Variants in PHLDB2 observed in about 807,000 individuals in gnomAD.
PHLDB2 encodes the protein pleckstrin homology-like domain family B member 2.
A neutral mutation model predicts 123.6 loss-of-function variants in PHLDB2; 71 were observed. That is an observed-to-expected ratio of 0.57 (90% CI 0.47 to 0.70). PHLDB2 has a LOEUF of 0.70. PHLDB2 is among the 30% of genes least tolerant of loss of function. PHLDB2 has a pLI of 0.00. For synonymous variants in PHLDB2, 547 were observed against 541.6 expected (o/e 1.01, Z -0.14); for missense variants, 1,446 against 1,519.5 (o/e 0.95, Z 0.80).
In PHLDB2 at chr3:111,920,420, G is replaced by A; in HGVS notation, c.2001+1G>A. The A allele has an allele frequency of 6.2e-7, 1 of 1,611,306 alleles. No individual in the cohort carries two copies. The highest frequency in any genetic ancestry group is 8.5e-7 in the Non-Finnish European group (1 of 1,179,152). On this transcript the variant is annotated splice_donor_variant, in intron 5 of 17. Coordinates refer to ENST00000431670, the MANE Select transcript of PHLDB2 (RefSeq NM_001134438.2). LOFTEE classifies it high-confidence loss of function. ...GAACATTGTTGGTGAAAAGACCAAG[G>A]TAAAAGAAAATTATATTTCAATGCA... is the stretch of plus-strand genomic sequence containing the variant.
intron 8 of PHLDB2, among the ~76,000 whole-genome samples, chr3:111,941,004 G>A (rs2069840390): frequency 6.6e-6 from 1 of 152,192 alleles, no homozygotes; most frequent in Non-Finnish European, 1.5e-5. Flanking sequence ...AAGGAAAAAT[G>A]TCCTTTTTAC....
chr3:111,919,751 C>T (rs1210266332), intron 4 of PHLDB2, among the ~76,000 whole-genome samples: 1 of 152,192 alleles, frequency 6.6e-6, no homozygotes, highest in African/African-American at 2.4e-5. Context: ...TGAGAAGGGG[C>T]ACGTAATTCT....
intron 1 of PHLDB2, among the ~76,000 whole-genome samples, chr3:111,799,655 A>T (rs2061309113): frequency 6.6e-6 from 1 of 152,230 alleles, no homozygotes; most frequent in Non-Finnish European, 1.5e-5. Context: ...TTAAAATCAA[A>T]TTATAAAGAC....
chr3:111,891,860 AG>A (rs1203629673), intron 2 of PHLDB2, among the ~76,000 whole-genome samples: 1 of 152,194 alleles, frequency 6.6e-6, no homozygotes. Flanking sequence ...CATTTTCAGA[AG>A]AAAAGGGGAA....
intron 5 of PHLDB2, among the ~76,000 whole-genome samples, chr3:111,931,760 A>G (rs2069162898): frequency 6.6e-6 from 1 of 152,226 alleles, no homozygotes; most frequent in Non-Finnish European, 1.5e-5. Flanking sequence ...CGGGGATGTC[A>G]ATTAATACAC....
At chr3:111,764,693 A>G (rs1463863483) in intron 1 of PHLDB2, among the ~76,000 whole-genome samples, 2 of 152,224 alleles carry the variant, frequency 1.3e-5, no homozygotes, top group Non-Finnish European at 2.9e-5. Context: ...GCATCATTCA[A>G]TTCCAGGGGG....
At chr3:111,847,228 T>A (rs1017576386) in intron 2 of PHLDB2, among the ~76,000 whole-genome samples, 13 of 152,160 alleles carry the variant, frequency 8.5e-5, no homozygotes, top group Non-Finnish European at 1.8e-4. Flanking sequence ...ATTGGAGTGA[T>A]GAGATTAGAG....
At chr3:111,804,979 G>T (rs1482879460) in intron 1 of PHLDB2, among the ~76,000 whole-genome samples, 1 of 152,160 alleles carries the variant, frequency 6.6e-6, no homozygotes, top group East Asian at 1.9e-4. Context: ...TAGGTGCTGG[G>T]GAGGATGTGG....
At chr3:111,870,176 AGTG>A in intron 1 of PHLDB2, among the ~76,000 whole-genome samples, 1 of 152,192 alleles carries the variant, frequency 6.6e-6, no homozygotes, top group Non-Finnish European at 1.5e-5. Flanking sequence ...GTATTGAGAC[AGTG>A]GGAAGGTCCA....
chr3:111,948,297 ATTTGT>A (rs1222712898), intron 9 of PHLDB2, among the ~76,000 whole-genome samples: 1 of 152,020 alleles, frequency 6.6e-6, no homozygotes, highest in East Asian at 1.9e-4. Context: ...GCATGCACAC[ATTTGT>A]TTTGTTAGGG....
At chr3:111,798,665 C>T (rs6767371) in intron 1 of PHLDB2, among the ~76,000 whole-genome samples, 127,841 of 151,518 alleles carry the variant, frequency 0.84, 55,212 homozygotes, top group Non-Finnish European at 0.94. Context: ...GTGACAGGGC[C>T]GGAGCCTGTC....
At chr3:111,829,235 A>G in intron 1 of PHLDB2, among the ~76,000 whole-genome samples, 1 of 152,102 alleles carries the variant, frequency 6.6e-6, no homozygotes, top group South Asian at 2.1e-4. Context: ...GCATGCAATT[A>G]CTAAAGAGAA....
At position 111,881,693 on chromosome 3, in the gene PHLDB2, C is replaced by T. The variant is rs909599847; in HGVS notation, c.-14-2371C>T. Reference sequence around the variant, plus strand: ...GTCTGTGTTACTTTTCATAAGACATCTGTATATATTTTATGGTTGTAAATG... The same window carrying T: ...GTCTGTGTTACTTTTCATAAGACATTTGTATATATTTTATGGTTGTAAATG... On this transcript the variant is annotated intron_variant, in intron 1 of 17. Transcript: ENST00000431670. 7.3e-5 allele frequency among the ~76,000 whole-genome samples: 11 copies of T among 151,160 alleles called. No homozygotes were observed. The South Asian group carries it at 1.7e-3, about 23-fold the overall frequency.
chr3:111,766,719 G>T (rs2060088383), intron 1 of PHLDB2, among the ~76,000 whole-genome samples: 1 of 152,056 alleles, frequency 6.6e-6, no homozygotes, highest in Admixed American at 6.5e-5. Context: ...CAGAGGCACT[G>T]ATATCCTTGT....
At chr3:111,761,788 T>C (rs917612301) in intron 1 of PHLDB2, among the ~76,000 whole-genome samples, 1 of 152,188 alleles carries the variant, frequency 6.6e-6, no homozygotes, top group African/African-American at 2.4e-5. Flanking sequence ...CCCACTGCTT[T>C]AGGCAATACC....
At chr3:111,924,415 T>C (rs562822788) in intron 5 of PHLDB2, among the ~76,000 whole-genome samples, 4 of 152,336 alleles carry the variant, frequency 2.6e-5, no homozygotes, top group African/African-American at 7.2e-5. Context: ...TTACGAATAT[T>C]GTTGTTGGAT....
chr3:111,883,876 G>T, intron 1 of PHLDB2, 188 bp from the exon 2 acceptor site: 1 of 567,952 alleles, frequency 1.8e-6, no homozygotes, highest in Non-Finnish European at 3.0e-6. Context: ...AGTTATCTCA[G>T]GTCAATGATC....
At chr3:111,774,785 A>G (rs576861297) in intron 1 of PHLDB2, among the ~76,000 whole-genome samples, 1 of 152,262 alleles carries the variant, frequency 6.6e-6, no homozygotes, top group African/African-American at 2.4e-5. Flanking sequence ...TATCCCTAAG[A>G]GAAATATTTT....
intron 6 of PHLDB2, among the ~76,000 whole-genome samples, chr3:111,935,572 A>C (rs575417716): frequency 2.6e-5 from 4 of 152,198 alleles, no homozygotes; most frequent in African/African-American, 9.6e-5. Context: ...TTAACTCCCA[A>C]AATCACAAGG....
Sources: allele counts gnomAD v4.1 joint callset (sites outside exome capture counted in the v4.1 genomes callset), GRCh38; gene constraint gnomAD v4.1.1; transcripts MANE v1.5; gene names NCBI Gene and HGNC (gene_info 2026-07-23, HGNC 2026-07-21).